TACR3: variants seen among roughly 807,000 people sequenced by gnomAD.
TACR3 encodes neuromedin-K receptor.
TACR3 carries 34 observed loss-of-function variants against 35.0 expected under a neutral mutation model. That is an observed-to-expected ratio of 0.97 (90% CI 0.74 to 1.30). The LOEUF (loss-of-function observed/expected upper bound fraction) is 1.30. Ranked by LOEUF, TACR3 falls within the 50% of genes most tolerant of loss-of-function variation. The pLI, the probability that TACR3 is intolerant of heterozygous loss-of-function variation, is 0.00. For missense variants in TACR3, 558 were observed against 591.7 expected (o/e 0.94, Z 0.59); for synonymous variants, 233 against 221.1 (o/e 1.05, Z -0.48).
At chr4:103,610,582 C>T (rs1310984798) in intron 3 of TACR3, among the ~76,000 whole-genome samples, 1 of 151,886 alleles carries the variant, frequency 6.6e-6, no homozygotes, top group African/African-American at 2.4e-5. Flanking sequence ...GTAGATTGTC[C>T]CTTCACTCTG....
chr4:103,698,319 C>A (rs1722569915), intron 1 of TACR3, among the ~76,000 whole-genome samples: 1 of 151,980 alleles, frequency 6.6e-6, no homozygotes, highest in African/African-American at 2.4e-5. Context: ...ATTAATAGTA[C>A]TTATACAATA....
intron 1 of TACR3, among the ~76,000 whole-genome samples, chr4:103,681,100 G>A (rs868121823): frequency 1.1e-4 from 16 of 151,638 alleles, no homozygotes; most frequent in Middle Eastern, 3.4e-3. Context: ...CAACAGATTT[G>A]CTTGTTTTCT....
In TACR3 at chr4:103,719,559, A is replaced by T. The variant is rs1273836766; in HGVS notation, c.117T>A (p.Thr39=). The change falls in exon 1 of 5, where the codon ACT becomes ACA. Residue 39 remains threonine, a synonymous_variant. Transcript: ENST00000304883. ...AAGAATGAVE[T]GWLQLLDQAG... ...CTTGGTCCAGCAGTTGCAGCCACCCAGTCTCAACTGCCCCCGTGGCCGCCC... is the reference window on the plus strand; with the variant it reads ...CTTGGTCCAGCAGTTGCAGCCACCCTGTCTCAACTGCCCCCGTGGCCGCCC... 1.9e-6 allele frequency: 3 copies of T among 1,608,860 alleles called. No individual in the cohort carries two copies. The African/African-American group carries it at 4.0e-5, about 21-fold the overall frequency.
rs906840377 is a variant in TACR3, at chr4:103,694,402, C to T, written c.548+24726G>A. 8.3e-5 allele frequency among the ~76,000 whole-genome samples: 12 copies of T among 144,274 alleles called. 1 individual carries two copies. Among genetic ancestry groups the T allele is most frequent in the African/African-American group, 3.5e-4 (12 of 33,968 alleles). The allele number at this position is 144,274 out of a possible 152,430, so 94.6% of individuals were successfully genotyped here. The stretch of plus-strand genomic sequence containing the variant: ...CAGCCATTGTTGAGACAATGCCAGC[C>T]TGAGTTCCAGGTGGACTGCAACTCA... On this transcript the variant is annotated intron_variant, in intron 1 of 4. Transcript: ENST00000304883.
At chr4:103,669,764 T>C (rs1726015349) in intron 1 of TACR3, among the ~76,000 whole-genome samples, 1 of 152,098 alleles carries the variant, frequency 6.6e-6, no homozygotes, top group African/African-American at 2.4e-5. Context: ...TTGAATATTC[T>C]ACAAATATTT....
At chr4:103,604,455 A>T (rs1464474060) in intron 3 of TACR3, among the ~76,000 whole-genome samples, 1 of 152,176 alleles carries the variant, frequency 6.6e-6, no homozygotes, top group African/African-American at 2.4e-5. Flanking sequence ...AAACCTAGGC[A>T]ACACCATTCA....
intron 3 of TACR3, among the ~76,000 whole-genome samples, chr4:103,623,587 T>A (rs944371361): frequency 6.6e-6 from 1 of 152,168 alleles, no homozygotes; most frequent in Non-Finnish European, 1.5e-5. Flanking sequence ...GGTTAAATCC[T>A]TTATTTTTGA....
At chr4:103,614,805 T>TACTTCATTTTCATGA (rs1351933112) in intron 3 of TACR3, among the ~76,000 whole-genome samples, 1 of 152,020 alleles carries the variant, frequency 6.6e-6, no homozygotes, top group Non-Finnish European at 1.5e-5. Context: ...TATTCATTTT[T>TACTTCATTTTCATGA]ACTTCATTTT....
chr4:103,666,035 T>C (rs1265002424), intron 1 of TACR3, among the ~76,000 whole-genome samples: 4 of 152,204 alleles, frequency 2.6e-5, no homozygotes, highest in Non-Finnish European at 5.9e-5. Context: ...TGACTCTTCA[T>C]TTACAACCTC....
Position 103,616,099 on chromosome 4 carries a change from T to C in TACR3, c.889-24416A>G, listed in dbSNP as rs148229318. The stretch of plus-strand genomic sequence containing the variant: ...ACAGGTCAGTAATGTCAGAAATTCA[T>C]GACCTGTGCTAGAGGAAACTCCTAG... On this transcript the variant is annotated intron_variant, in intron 3 of 4. Transcript: ENST00000304883. Among the ~76,000 whole-genome samples the C allele has an allele frequency of 5.3e-5, 8 of 152,328 alleles. No homozygotes were observed. In the East Asian group the frequency reaches 1.4e-3, roughly 26 times the overall value.
intron 1 of TACR3, among the ~76,000 whole-genome samples, chr4:103,667,246 G>A (rs576555403): frequency 2.6e-5 from 4 of 152,150 alleles, no homozygotes; most frequent in African/African-American, 9.6e-5. Flanking sequence ...CACAGAGTGA[G>A]ACTTTGTCTC....
chr4:103,618,022 T>C (rs1307034555), intron 3 of TACR3, among the ~76,000 whole-genome samples: 4 of 152,294 alleles, frequency 2.6e-5, no homozygotes, highest in African/African-American at 9.6e-5. Flanking sequence ...TCAGTGTCTA[T>C]GAGTTTAGGA....
chr4:103,665,295 GTATA>G (rs1176373274), intron 1 of TACR3, among the ~76,000 whole-genome samples: 2 of 151,284 alleles, frequency 1.3e-5, no homozygotes, highest in African/African-American at 4.9e-5. Flanking sequence ...ATTCATATAT[GTATA>G]TATGAATATA....
intron 1 of TACR3, among the ~76,000 whole-genome samples, chr4:103,675,214 G>A (rs1726142983): frequency 6.6e-6 from 1 of 152,078 alleles, no homozygotes; most frequent in African/African-American, 2.4e-5. Flanking sequence ...ATCTTGAAAT[G>A]TCCTCATAAT....
chr4:103,691,215 C>G (rs916299457), intron 1 of TACR3, among the ~76,000 whole-genome samples: 1 of 152,134 alleles, frequency 6.6e-6, no homozygotes, highest in Admixed American at 6.6e-5. Flanking sequence ...ACCCAAATGT[C>G]CTTTGTAAAC....
intron 1 of TACR3, among the ~76,000 whole-genome samples, chr4:103,693,283 CTG>C (rs1163281187): frequency 2.0e-5 from 3 of 152,094 alleles, no homozygotes; most frequent in Non-Finnish European, 4.4e-5. Context: ...TATTTTGAAA[CTG>C]TATTGTTAAA....
rs576400682 is a variant in TACR3 at position 103,681,420 on chromosome 4, AT to A, written c.549-23018del. 7.9e-5 allele frequency among the ~76,000 whole-genome samples: 12 copies of A among 152,214 alleles called. No homozygotes were observed. In the East Asian group the frequency reaches 2.1e-3, roughly 27 times the overall value. On this transcript the variant is annotated intron_variant, in intron 1 of 4. Coordinates refer to ENST00000304883, the MANE Select transcript of TACR3 (RefSeq NM_001059.3). The stretch of plus-strand genomic sequence containing the variant: ...TTCATTTGAAATCATAGATCATAAA[AT>A]TTGTAGCTTAATGGACCTTATATAA...
intron 3 of TACR3, chr4:103,593,455 A>G (rs1723937706): frequency 6.6e-6 from 1 of 152,032 alleles, no homozygotes; most frequent in Non-Finnish European, 1.5e-5. Flanking sequence ...ATGTGCAGAT[A>G]AAATTTAAAA....
At chr4:103,608,957 A>C (rs575238259) in intron 3 of TACR3, among the ~76,000 whole-genome samples, 15 of 152,274 alleles carry the variant, frequency 9.9e-5, no homozygotes, top group African/African-American at 3.1e-4. Flanking sequence ...TCAATAAATT[A>C]ATAGAGCCTG....
Sources: gnomAD v4.1 joint callset for allele counts (sites outside exome capture counted in the v4.1 genomes callset) on GRCh38, gnomAD v4.1.1 for gene constraint, MANE v1.5 for transcripts, NCBI Gene and HGNC (gene_info 2026-07-23, HGNC 2026-07-21) for gene names.